DENND5B: variants seen among roughly 807,000 people sequenced by gnomAD.
The protein encoded by DENND5B is DENN domain-containing protein 5B.
A neutral mutation model predicts 140.6 loss-of-function variants in DENND5B; 34 were observed. That is an observed-to-expected ratio of 0.24 (90% CI 0.18 to 0.32). DENND5B has a LOEUF of 0.32. Ranked by LOEUF, DENND5B falls within the 10% of genes least tolerant of loss-of-function variation. The pLI, the probability that DENND5B is intolerant of heterozygous loss-of-function variation, is 1.00. For missense variants in DENND5B, 1,142 were observed against 1,560.2 expected, an observed-to-expected ratio of 0.73 and a Z score of 4.52; for synonymous variants, 551 against 562.1, an observed-to-expected ratio of 0.98 and a Z score of 0.28.
intron 7 of DENND5B, among the ~76,000 whole-genome samples, chr12:31,436,111 C>CT (rs144152490): frequency 1.2e-3 from 174 of 144,230 alleles, no homozygotes; most frequent in African/African-American, 2.0e-3. Flanking sequence ...AGCCCCCCCA[C>CT]TTTTTTTTTT....
At chr12:31,394,815 A>G (rs1941346195) in intron 17 of DENND5B, among the ~76,000 whole-genome samples, 2 of 151,922 alleles carry the variant, frequency 1.3e-5, no homozygotes, top group Non-Finnish European at 2.9e-5. Context: ...GGGTTTCACC[A>G]TGTTAGCCAG....
At chr12:31,578,582 A>C (rs1027776582) in intron 1 of DENND5B, among the ~76,000 whole-genome samples, 2 of 152,244 alleles carry the variant, frequency 1.3e-5, no homozygotes, top group African/African-American at 4.8e-5. Flanking sequence ...GCATACAGGA[A>C]TGGAACTGAA....
At chr12:31,555,452 C>G (rs1376306194) in intron 1 of DENND5B, among the ~76,000 whole-genome samples, 1 of 152,168 alleles carries the variant, frequency 6.6e-6, no homozygotes, top group East Asian at 1.9e-4. Flanking sequence ...TGTGAGGTGT[C>G]AGTCCACCCC....
At chr12:31,534,781 CCT>C (rs1220186358) in intron 1 of DENND5B, 3 of 427,952 alleles carry the variant, frequency 7.0e-6, no homozygotes, top group Non-Finnish European at 9.2e-6. Context: ...TACTTGTCCT[CCT>C]GGCAATATCA....
intron 1 of DENND5B, among the ~76,000 whole-genome samples, chr12:31,551,300 C>A (rs900947831): frequency 1.8e-4 from 28 of 152,168 alleles, no homozygotes; most frequent in African/African-American, 6.5e-4. Context: ...GTTTTCCCAG[C>A]ACCATTTATT....
intron 1 of DENND5B, among the ~76,000 whole-genome samples, chr12:31,517,127 T>G (rs1947689922): frequency 1.3e-5 from 2 of 152,144 alleles, no homozygotes; most frequent in Non-Finnish European, 2.9e-5. Context: ...AATAAAAACT[T>G]TAGATAAATG....
chr12:31,485,710 TA>T (rs1946274719), intron 2 of DENND5B, among the ~76,000 whole-genome samples: 1 of 139,670 alleles, frequency 7.2e-6, no homozygotes, highest in Admixed American at 7.4e-5. Flanking sequence ...GAGCAGAGGC[TA>T]AAAAAGGCAA....
rs1945967197 is a variant in DENND5B, at chr12:31,479,374, GTTCC to G, written c.904+211_904+214del. Among the ~76,000 whole-genome samples the G allele has an allele frequency of 3.3e-5, 5 of 152,162 alleles. No individual in the cohort carries two copies. In the South Asian group the frequency reaches 6.2e-4, roughly 19 times the overall value. ...CCAAATCAGCCAAGTTAACACTTGTGTTCCTTCCTATTTCTCTCTGCAGTCACTG... is the reference window on the plus strand; with the variant it reads ...CCAAATCAGCCAAGTTAACACTTGTGTTCCTATTTCTCTCTGCAGTCACTG... On this transcript the variant is annotated intron_variant, in intron 3 of 20. Transcript: ENST00000389082.
chr12:31,546,557 C>T (rs931779162), intron 1 of DENND5B, among the ~76,000 whole-genome samples: 3 of 152,020 alleles, frequency 2.0e-5, no homozygotes, highest in Non-Finnish European at 2.9e-5. Context: ...CATGGTGGTA[C>T]GCGCCTGTAA....
chr12:31,429,534 G>C (rs140187425), intron 8 of DENND5B, among the ~76,000 whole-genome samples: 2 of 149,606 alleles, frequency 1.3e-5, no homozygotes, highest in African/African-American at 5.0e-5. Context: ...TCAGCCTCTC[G>C]AGTAGCTAGG....
At chr12:31,515,842 T>C (rs1330791148) in intron 1 of DENND5B, among the ~76,000 whole-genome samples, 1 of 152,212 alleles carries the variant, frequency 6.6e-6, no homozygotes, top group Non-Finnish European at 1.5e-5. Flanking sequence ...CCAAGCATAT[T>C]AGGAATATAG....
At chr12:31,471,785 A>G (rs1945573938) in intron 3 of DENND5B, among the ~76,000 whole-genome samples, 1 of 152,222 alleles carries the variant, frequency 6.6e-6, no homozygotes, top group Admixed American at 6.5e-5. Context: ...GAACAATCAC[A>G]GATGGCTATA....
At chr12:31,553,484 T>A (rs146693570) in intron 1 of DENND5B, among the ~76,000 whole-genome samples, 3 of 152,352 alleles carry the variant, frequency 2.0e-5, no homozygotes, top group East Asian at 1.9e-4. Context: ...TACTTCCAAC[T>A]ATGTAGTCAA....
intron 1 of DENND5B, among the ~76,000 whole-genome samples, chr12:31,546,246 A>G (rs1390594600): frequency 6.6e-6 from 1 of 152,024 alleles, no homozygotes; most frequent in Non-Finnish European, 1.5e-5. Flanking sequence ...CCCATTTCAA[A>G]ATGTTATTTA....
At chr12:31,476,220 A>G (rs1010302267) in intron 3 of DENND5B, among the ~76,000 whole-genome samples, 2 of 151,702 alleles carry the variant, frequency 1.3e-5, no homozygotes, top group African/African-American at 4.8e-5. Flanking sequence ...CATGGTATAC[A>G]ATATAAAAGA....
At chr12:31,450,352 G>A (rs2138101805) in intron 5 of DENND5B, among the ~76,000 whole-genome samples, 1 of 100,964 alleles carries the variant, frequency 9.9e-6, no homozygotes, top group Admixed American at 1.3e-4. Context: ...ATCTGATGAA[G>A]TAAAAAAATT....
rs1324374800 is a variant in DENND5B at position 31,384,359 on chromosome 12, C to T, written c.*3244G>A. 1 of 152,068 alleles carries T rather than the reference C, an allele frequency of 6.6e-6. No homozygotes were observed. Among genetic ancestry groups the T allele is most frequent in the East Asian group, 1.9e-4 (1 of 5,206 alleles). 9.4% of individuals were successfully genotyped at this position (152,068 alleles called of 1,614,324 possible). The stretch of plus-strand genomic sequence containing the variant: ...TTTATAACTGCACTTCTTATGTGAC[C>T]CCAAACTCAGCTTAAGCATCCTTTT... On this transcript the variant is annotated 3_prime_UTR_variant, in exon 21 of 21. Coordinates refer to ENST00000389082, the MANE Select transcript of DENND5B (RefSeq NM_144973.4).
At chr12:31,521,283 A>G (rs1295906223) in intron 1 of DENND5B, among the ~76,000 whole-genome samples, 1 of 151,142 alleles carries the variant, frequency 6.6e-6, no homozygotes, top group African/African-American at 2.4e-5. Context: ...GGGTGTGCAG[A>G]TATCAGACAT....
chr12:31,476,641 A>G (rs1018116342), intron 3 of DENND5B, among the ~76,000 whole-genome samples: 3 of 152,196 alleles, frequency 2.0e-5, no homozygotes, highest in African/African-American at 4.8e-5. Context: ...TAAACCAGGC[A>G]TGGTGGTATG....
Sources: gnomAD v4.1 joint callset for allele counts (sites outside exome capture counted in the v4.1 genomes callset) on GRCh38, gnomAD v4.1.1 for gene constraint, MANE v1.5 for transcripts, NCBI Gene and HGNC (gene_info 2026-07-23, HGNC 2026-07-21) for gene names.